Variants in ATP2B1 observed in about 807,000 individuals in gnomAD.
ATP2B1 encodes ATPase plasma membrane Ca2+ transporting 1.
ATP2B1 carries 14 observed loss-of-function variants against 124.2 expected under a neutral mutation model. The ratio of observed to expected loss-of-function variants is 0.11; its 90% CI spans 0.07 to 0.18. The LOEUF is 0.18. Ranked by LOEUF, ATP2B1 falls within the 10% of genes least tolerant of loss-of-function variation. The probability of loss-of-function intolerance (pLI) is 1.00; values close to 1 mark genes in which losing one functional copy is unlikely to be tolerated. For synonymous variants in ATP2B1, 449 were observed against 492.4 expected (o/e 0.91, Z 1.17); for missense variants, 763 against 1,466.1 (o/e 0.52, Z 7.83).
intron 2 of ATP2B1, among the ~76,000 whole-genome samples, chr12:89,644,844 T>C (rs892840794): frequency 6.6e-6 from 1 of 152,166 alleles, no homozygotes; most frequent in Non-Finnish European, 1.5e-5. Flanking sequence ...TCTTAACATA[T>C]TGGTTATAAC....
At chr12:89,645,718 C>T (rs2136276694) in intron 2 of ATP2B1, among the ~76,000 whole-genome samples, 1 of 152,146 alleles carries the variant, frequency 6.6e-6, no homozygotes, top group Non-Finnish European at 1.5e-5. Context: ...ACCCAGTGAC[C>T]CTGGAGGAAA....
At chr12:89,646,528 C>A (rs1412966728) in intron 2 of ATP2B1, among the ~76,000 whole-genome samples, 2 of 152,114 alleles carry the variant, frequency 1.3e-5, no homozygotes, top group Non-Finnish European at 2.9e-5. Flanking sequence ...TCAGGTAGTA[C>A]CACAGAAGCC....
chr12:89,678,826 A>G (rs1302588792), intron 1 of ATP2B1, among the ~76,000 whole-genome samples: 2 of 152,166 alleles, frequency 1.3e-5, no homozygotes, highest in African/African-American at 4.8e-5. Flanking sequence ...TCATTCGCAC[A>G]TTTACATGCA....
At chr12:89,692,345 A>G (rs1890646023) in intron 1 of ATP2B1, among the ~76,000 whole-genome samples, 1 of 152,210 alleles carries the variant, frequency 6.6e-6, no homozygotes, top group South Asian at 2.1e-4. Flanking sequence ...ACATGGTTTC[A>G]TTACGACATT....
At chr12:89,648,265 C>T (rs751094070) in intron 2 of ATP2B1, among the ~76,000 whole-genome samples, 64 of 152,128 alleles carry the variant, frequency 4.2e-4, no homozygotes, top group Admixed American at 2.0e-4. Flanking sequence ...ACTGGTTAAA[C>T]GGTTCTGACC....
intron 2 of ATP2B1, among the ~76,000 whole-genome samples, chr12:89,643,189 T>C (rs1293541380): frequency 6.6e-6 from 1 of 150,738 alleles, no homozygotes; most frequent in Non-Finnish European, 1.5e-5. Flanking sequence ...TATGTATGTA[T>C]ATATGTATAT....
rs751968660 is a variant in ATP2B1 at position 89,655,781 on chromosome 12, C to T, written c.106G>A (p.Ala36Thr). 2.5e-6 allele frequency: 4 copies of T among 1,614,142 alleles called. No individual in the cohort carries two copies. The highest frequency in any genetic ancestry group is 2.5e-6 in the Non-Finnish European group (3 of 1,179,994). The change falls in exon 2 of 21, where the codon GCT becomes ACT. Residue 36 changes from alanine to threonine, a missense_variant. Ala to Thr is a moderately conservative substitution (Grantham distance 58). Transcript: ENST00000428670. ...TCTGTGGACCTGAGCTCCATGAGAG[C>T]CCGCAGCTCTGCGAGCGTAATTCCA... ...DFGITLAELR[A>T]LMELRSTDAL...
intron 8 of ATP2B1, 142 bp from the exon 9 acceptor site, chr12:89,624,539 C>T (rs961598794): frequency 2.4e-5 from 18 of 741,754 alleles, no homozygotes; most frequent in Non-Finnish European, 3.8e-5. Flanking sequence ...CTTTCTTGCA[C>T]CTTATAACTT....
At chr12:89,649,286 AC>A (rs1884927441) in intron 2 of ATP2B1, among the ~76,000 whole-genome samples, 1 of 152,266 alleles carries the variant, frequency 6.6e-6, no homozygotes, top group African/African-American at 2.4e-5. Flanking sequence ...AAGAGTAGCC[AC>A]AGGGGCTGCA....
At chr12:89,592,708 A>G (rs1873817746) in intron 20 of ATP2B1, among the ~76,000 whole-genome samples, 1 of 152,134 alleles carries the variant, frequency 6.6e-6, no homozygotes, top group Non-Finnish European at 1.5e-5. Context: ...AATGGGAAAT[A>G]GCAATGGTAC....
chr12:89,636,739 C>T lies in ATP2B1; in HGVS notation c.407-1488G>A, dbSNP rs369049641. 3.4e-4 allele frequency among the ~76,000 whole-genome samples: 52 copies of T among 152,196 alleles called. No homozygotes were observed. In the South Asian group the frequency reaches 0.011, roughly 32 times the overall value. Reference sequence around the variant, plus strand: ...GATGAAATGGAAGACTTGACGTGAACAGTTACAAAAAATATCCTGAGAACC... The same window carrying T: ...GATGAAATGGAAGACTTGACGTGAATAGTTACAAAAAATATCCTGAGAACC... On this transcript the variant is annotated intron_variant, in intron 3 of 20. Coordinates refer to ENST00000428670, the MANE Select transcript of ATP2B1 (RefSeq NM_001366521.1).
In ATP2B1 at chr12:89,621,544, C is replaced by A; in HGVS notation, c.1587+5G>T. 1 of 1,517,758 alleles carries A rather than the reference C, an allele frequency of 6.6e-7. No individual in the cohort carries two copies. Among genetic ancestry groups the A allele is most frequent in the South Asian group, 1.2e-5 (1 of 81,106 alleles). The allele number at this position is 1,517,758 out of a possible 1,614,324, so 94.0% of individuals were successfully genotyped here. ...AATTTTCATAAATTATTTCAAAAAC[C>A]TTACCAATATTTTTGATGTATAAGC... On this transcript the variant is annotated splice_donor_5th_base_variant and intron_variant, in intron 10 of 20. Coordinates refer to ENST00000428670, the MANE Select transcript of ATP2B1 (RefSeq NM_001366521.1).
chr12:89,655,970 A>C lies in ATP2B1; in HGVS notation c.-84T>G, dbSNP rs1409992305. 2 of 1,385,736 alleles carry C rather than the reference A, an allele frequency of 1.4e-6. No homozygotes were observed. The highest frequency in any genetic ancestry group is 1.5e-5 in the African/African-American group (1 of 68,746). The allele number at this position is 1,385,736 out of a possible 1,614,324, so 85.8% of individuals were successfully genotyped here. On this transcript the variant is annotated 5_prime_UTR_variant, in exon 2 of 21. It removes the in-frame stop codon of an upstream open reading frame in the 5' UTR. Coordinates refer to ENST00000428670, the MANE Select transcript of ATP2B1 (RefSeq NM_001366521.1). ...TGTATTTCCAAGATGAAAATCTTTT[A>C]AGTATGAAAATCTTTCTTAAACCAA...
At chr12:89,695,230 G>T (rs1891008526) in intron 1 of ATP2B1, among the ~76,000 whole-genome samples, 1 of 151,930 alleles carries the variant, frequency 6.6e-6, no homozygotes, top group South Asian at 2.1e-4. Context: ...CCAGGAATGG[G>T]ACATGTGCAC....
At chr12:89,624,112 C>T in intron 9 of ATP2B1, 71 bp downstream of exon 9, 2 of 1,354,448 alleles carry the variant, frequency 1.5e-6, no homozygotes, top group African/African-American at 1.5e-5. Context: ...AAAGGAGTAA[C>T]TAGATGGGCA....
At chr12:89,591,796 C>T (rs1873623521) in intron 20 of ATP2B1, among the ~76,000 whole-genome samples, 1 of 151,924 alleles carries the variant, frequency 6.6e-6, no homozygotes, top group South Asian at 2.1e-4. Context: ...ACAATGAACT[C>T]ACATCTACCC....
At chr12:89,642,843 G>A (rs952187638) in intron 2 of ATP2B1, among the ~76,000 whole-genome samples, 2 of 152,026 alleles carry the variant, frequency 1.3e-5, no homozygotes, top group Non-Finnish European at 2.9e-5. Flanking sequence ...GACCTAAGGT[G>A]ATGCACCTGC....
chr12:89,646,539 C>T (rs1884476344), intron 2 of ATP2B1, among the ~76,000 whole-genome samples: 1 of 152,042 alleles, frequency 6.6e-6, no homozygotes, highest in Non-Finnish European at 1.5e-5. Context: ...CACAGAAGCC[C>T]AGAGACGAAA....
intron 1 of ATP2B1, among the ~76,000 whole-genome samples, chr12:89,703,457 T>C (rs1356664452): frequency 1.3e-5 from 2 of 152,164 alleles, no homozygotes; most frequent in Admixed American, 6.5e-5. Flanking sequence ...TTAACTAAAA[T>C]TAAAGAGAGC....
Sources: gnomAD v4.1 joint callset for allele counts (sites outside exome capture counted in the v4.1 genomes callset) on GRCh38, gnomAD v4.1.1 for gene constraint, MANE v1.5 for transcripts, NCBI Gene and HGNC (gene_info 2026-07-23, HGNC 2026-07-21) for gene names.